Variants in YBX1 observed in about 807,000 individuals in gnomAD.
The protein encoded by YBX1 is Y-box-binding protein 1.
In YBX1, 3 loss-of-function variants were observed where a neutral mutation model predicts 41.4. The ratio of observed to expected loss-of-function variants is 0.07; its 90% CI spans 0.03 to 0.19. The LOEUF (loss-of-function observed/expected upper bound fraction) is 0.19. YBX1 is among the 10% of genes least tolerant of loss of function. The pLI is 1.00. For missense variants in YBX1, 274 were observed against 462.8 expected (o/e 0.59, Z 3.74); for synonymous variants, 133 against 165.8 (o/e 0.80, Z 1.52).
chr1:42,700,668 G>C (rs2148743084), intron 6 of YBX1, 113 bp from the exon 7 acceptor site: 1 of 846,756 alleles, frequency 1.2e-6, no homozygotes, highest in African/African-American at 2.0e-5. Flanking sequence ...CAGACCACTT[G>C]ATACAGAATG....
chr1:42,691,597 C>T (rs761059724), intron 2 of YBX1, among the ~76,000 whole-genome samples: 1 of 152,240 alleles, frequency 6.6e-6, no homozygotes, highest in Non-Finnish European at 1.5e-5. Context: ...AACAAACAGT[C>T]AGAGCCACCA....
In YBX1 at chr1:42,702,144, C is replaced by A. The variant is rs41303421; in HGVS notation, c.*195C>A. 1.0e-2 allele frequency: 1,532 copies of A among 153,408 alleles called. 9 individuals carry two copies. The highest frequency in any genetic ancestry group is 0.015 in the Non-Finnish European group (1,027 of 68,020). 9.5% of individuals were successfully genotyped at this position (153,408 alleles called of 1,614,324 possible). ...GGTTTTTATTATTTTTACCTAAAGA[C>A]GTCTCTTTTTGGTAATAACAAACGT... On this transcript the variant is annotated 3_prime_UTR_variant, in exon 8 of 8. Coordinates refer to ENST00000321358, the MANE Select transcript of YBX1 (RefSeq NM_004559.5).
At chr1:42,697,147 C>T (rs377495880) in intron 5 of YBX1, 33 bp from the exon 6 acceptor site, 4 of 1,603,038 alleles carry the variant, frequency 2.5e-6, no homozygotes, top group Non-Finnish European at 3.4e-6. Flanking sequence ...ATATTACTGA[C>T]CCAGTAGGCT....
intron 1 of YBX1, chr1:42,683,055 C>T (rs751053462): frequency 9.0e-6 from 4 of 442,126 alleles, no homozygotes; most frequent in Admixed American, 5.7e-5. Flanking sequence ...CCGTTGTTCG[C>T]GTCACCCCCA....
At chr1:42,700,476 A>G (rs1028740409) in intron 6 of YBX1, among the ~76,000 whole-genome samples, 2 of 151,916 alleles carry the variant, frequency 1.3e-5, no homozygotes, top group African/African-American at 2.4e-5. Context: ...GGGCTTGCCT[A>G]TAGTCCCAGT....
At chr1:42,698,557 A>T (rs575291915) in intron 6 of YBX1, among the ~76,000 whole-genome samples, 1 of 152,334 alleles carries the variant, frequency 6.6e-6, no homozygotes, top group South Asian at 2.1e-4. Flanking sequence ...TGAAGAGCTT[A>T]AATGTTTTGC....
intron 6 of YBX1, among the ~76,000 whole-genome samples, 197 bp downstream of exon 6, chr1:42,697,459 T>C (rs1230109600): frequency 6.6e-6 from 1 of 152,126 alleles, no homozygotes; most frequent in African/African-American, 2.4e-5. Context: ...TTTTAGAAAA[T>C]GATGAGGGTT....
chr1:42,689,615 G>A (rs895760216), intron 2 of YBX1, among the ~76,000 whole-genome samples: 9 of 152,110 alleles, frequency 5.9e-5, no homozygotes, highest in African/African-American at 2.2e-4. Context: ...GTGGGAGGGG[G>A]GTCAAACATG....
rs781742705 is a variant in YBX1, at chr1:42,703,036, C to G, written c.*1087C>G. 2.6e-5 allele frequency among the ~76,000 whole-genome samples: 4 copies of G among 152,162 alleles called. No individual in the cohort carries two copies. The highest frequency in any genetic ancestry group is 5.9e-5 in the Non-Finnish European group (4 of 68,024). On this transcript the variant is annotated 3_prime_UTR_variant, in exon 8 of 8. Transcript: ENST00000321358. ...CCACCTCTAGGTTTAAGCGATTCTC[C>G]TGCCTCGGCCACCTTAGTAGCTGGG...
At position 42,684,848 on chromosome 1, in the gene YBX1, C is replaced by G. The variant is rs1376303446; in HGVS notation, c.230+1382C>G. Among the ~76,000 whole-genome samples the G allele has an allele frequency of 2.6e-5, 4 of 152,284 alleles. No homozygotes were observed. The South Asian group carries it at 8.3e-4, about 32-fold the overall frequency. On this transcript the variant is annotated intron_variant, in intron 2 of 7. Coordinates refer to ENST00000321358, the MANE Select transcript of YBX1 (RefSeq NM_004559.5). Reference sequence around the variant, plus strand: ...TTTTAGTTTGTATTTCTGTCTTACTCTGATTATCGTTACTAGTCTAACCCT... The same window carrying G: ...TTTTAGTTTGTATTTCTGTCTTACTGTGATTATCGTTACTAGTCTAACCCT...
At chr1:42,692,654 A>G (rs1198574774) in intron 2 of YBX1, among the ~76,000 whole-genome samples, 3 of 152,180 alleles carry the variant, frequency 2.0e-5, no homozygotes, top group Non-Finnish European at 4.4e-5. Flanking sequence ...CGCTAGAGCT[A>G]CTACTGAGCT....
Position 42,696,530 on chromosome 1 carries a change from TCC to T in YBX1, c.355-111_355-110del. The T allele has an allele frequency of 1.8e-6, 1 of 541,064 alleles. No homozygotes were observed. Among genetic ancestry groups the T allele is most frequent in the Non-Finnish European group, 2.9e-6 (1 of 342,470 alleles). 33.5% of individuals were successfully genotyped at this position (541,064 alleles called of 1,614,324 possible). On this transcript the variant is annotated intron_variant, in intron 4 of 7. Coordinates refer to ENST00000321358, the MANE Select transcript of YBX1 (RefSeq NM_004559.5). The surrounding 1 kb of genome is among the most constrained non-coding windows in gnomAD (Gnocchi z 5.7). ...AGTTGCGCCCCCCCCCCCTTTTTTT[TCC>T]TTAACTTTGTTGTTTTTTGCTTTGT...
At position 42,684,557 on chromosome 1, in the gene YBX1, A is replaced by G. The variant is rs140636805; in HGVS notation, c.230+1091A>G. 7.3e-3 allele frequency among the ~76,000 whole-genome samples: 1,118 copies of G among 152,366 alleles called. 4 individuals are homozygous for G. The highest frequency in any genetic ancestry group is 0.01 in the Non-Finnish European group (707 of 68,036). ...CTGATGAAAAACTGTTCATTAATCA[A>G]TCATAGAGTATTGTGGAAACACTCA... On this transcript the variant is annotated intron_variant, in intron 2 of 7. Transcript: ENST00000321358.
intron 2 of YBX1, among the ~76,000 whole-genome samples, chr1:42,684,270 G>T (rs1026227334): frequency 2.0e-5 from 3 of 152,246 alleles, no homozygotes; most frequent in African/African-American, 7.2e-5. Context: ...GTGGTAACGT[G>T]CAGTAGACGC....
chr1:42,696,506 G>A lies in YBX1; in HGVS notation c.355-136G>A, dbSNP rs1289075930. On this transcript the variant is annotated intron_variant, in intron 4 of 7. Transcript: ENST00000321358. The surrounding 1 kb of genome is among the most constrained non-coding windows in gnomAD (Gnocchi z 5.7). ...ATTTCTGTGCACCCCTGGTCACGCA[G>A]TTGCGCCCCCCCCCCCTTTTTTTTC... The A allele has an allele frequency of 3.3e-6, 3 of 896,740 alleles. No homozygotes were observed. Among genetic ancestry groups the A allele is most frequent in the East Asian group, 3.0e-5 (1 of 33,492 alleles). The allele number at this position is 896,740 out of a possible 1,614,324, so 55.5% of individuals were successfully genotyped here. A position where few individuals can be genotyped will look rare whatever the true frequency, so the allele number is the denominator to read the frequency against.
Position 42,696,630 on chromosome 1 carries a change from T to C in YBX1, c.355-12T>C, listed in dbSNP as rs371796494. 2 of 1,516,140 alleles carry C rather than the reference T, an allele frequency of 1.3e-6. No individual in the cohort carries two copies. Among genetic ancestry groups the C allele is most frequent in the Non-Finnish European group, 1.8e-6 (2 of 1,128,232 alleles). 93.9% of individuals were successfully genotyped at this position (1,516,140 alleles called of 1,614,324 possible). ...TTCCTTTGTCACTATCAATATGTAA[T>C]GGCTTTTGTAGGGTGCGGAGGCAGC... On this transcript the variant is annotated splice_polypyrimidine_tract_variant and intron_variant, in intron 4 of 7. Coordinates refer to ENST00000321358, the MANE Select transcript of YBX1 (RefSeq NM_004559.5). This position sits in a 1 kb window ranked among gnomAD's most constrained non-coding sequence, Gnocchi z 5.7.
In YBX1 at chr1:42,701,035, AC is replaced by A; in HGVS notation, c.*22del. 6.2e-7 allele frequency: 1 copy of A among 1,612,588 alleles called. No homozygotes were observed. Among genetic ancestry groups the A allele is most frequent in the Admixed American group, 1.7e-5 (1 of 59,984 alleles). The stretch of plus-strand genomic sequence containing the variant: ...GAGTAAATGCCGGCTTACCATCTCT[AC>A]CATCATCCGGGTAAGCAAGCTTGGA... On this transcript the variant is annotated 3_prime_UTR_variant, in exon 7 of 8. Transcript: ENST00000321358.
Position 42,702,914 on chromosome 1 carries a change from T to G in YBX1, c.*965T>G, listed in dbSNP as rs910800506. 6.6e-6 allele frequency among the ~76,000 whole-genome samples: 1 copy of G among 152,178 alleles called. No homozygotes were observed. The highest frequency in any genetic ancestry group is 1.5e-5 in the Non-Finnish European group (1 of 68,024). On this transcript the variant is annotated 3_prime_UTR_variant, in exon 8 of 8. Transcript: ENST00000321358. ...ATGTGGTTCTCAACACCTTAAATCC[T>G]AAGCCTAGTCTGGCTGATCTTTTCT...
chr1:42,683,680 T>C (rs747147202), intron 2 of YBX1, among the ~76,000 whole-genome samples: 1 of 152,224 alleles, frequency 6.6e-6, no homozygotes, highest in Non-Finnish European at 1.5e-5. Flanking sequence ...TAAATATTAA[T>C]TTGAAGCTAA....
Sources: gnomAD v4.1 joint callset for allele counts (sites outside exome capture counted in the v4.1 genomes callset) on GRCh38, gnomAD v4.1.1 for gene constraint, Gnocchi (gnomAD v3.1) non-coding constraint, MANE v1.5 for transcripts, NCBI Gene and HGNC (gene_info 2026-07-23, HGNC 2026-07-21) for gene names.